The following GPHN variants were observed in gnomAD, a reference collection of about 807,000 sequenced individuals.
GPHN encodes gephyrin.
A neutral mutation model predicts 95.5 loss-of-function variants in GPHN; 17 were observed. The ratio of observed to expected loss-of-function variants is 0.18; its 90% CI spans 0.12 to 0.27. The LOEUF is 0.27. Ranked by LOEUF, GPHN falls within the 10% of genes least tolerant of loss-of-function variation. The pLI is 1.00. For synonymous variants in GPHN, 320 were observed against 322.5 expected, an observed-to-expected ratio of 0.99 and a Z score of 0.08; for missense variants, 660 against 978.1, an observed-to-expected ratio of 0.67 and a Z score of 4.34.
the GPHN span, among the ~76,000 whole-genome samples, chr14:67,326,259 T>TTTTTTTTTTTTTTTGGGG: frequency 8.1e-6 from 1 of 122,984 alleles, no homozygotes; most frequent in African/African-American, 3.3e-5. Flanking sequence ...TTTTTTTTTT[T>TTTTTTTTTTTTTTTGGGG]GAGAGGAGAT....
intron 1 of GPHN, among the ~76,000 whole-genome samples, chr14:66,578,925 A>G (rs116958315): frequency 0.013 from 2,019 of 151,980 alleles, 23 homozygotes; most frequent in Middle Eastern, 0.02. Flanking sequence ...CAGATTCAGA[A>G]TGCTGTATGT....
the GPHN span, among the ~76,000 whole-genome samples, chr14:67,474,946 C>T: frequency 2.2e-5 from 3 of 133,684 alleles, no homozygotes; most frequent in Admixed American, 8.1e-5. Context: ...GACGGAGTCT[C>T]GCTCTGTCGT....
intron 2 of GPHN, among the ~76,000 whole-genome samples, chr14:66,691,787 T>G (rs965440862): frequency 6.6e-6 from 1 of 152,200 alleles, no homozygotes; most frequent in East Asian, 1.9e-4. Flanking sequence ...TTCAAGATAG[T>G]GTACACTGGG....
At chr14:67,204,585 CA>C in the GPHN span, 2 of 1,613,546 alleles carry the variant, frequency 1.2e-6, no homozygotes, top group Admixed American at 3.3e-5. Flanking sequence ...ATGCGGAGAA[CA>C]TGAGCCTGAA....
chr14:67,730,750 C>T, the GPHN span, among the ~76,000 whole-genome samples: 1 of 152,008 alleles, frequency 6.6e-6, no homozygotes, highest in Admixed American at 6.6e-5. Context: ...ATTACAGGTG[C>T]CCGCCACCAC....
intron 2 of GPHN, among the ~76,000 whole-genome samples, chr14:66,721,069 G>A (rs996169138): frequency 1.4e-4 from 22 of 152,120 alleles, no homozygotes; most frequent in African/African-American, 5.1e-4. Flanking sequence ...TCTTGGCTTG[G>A]CAATTTTATG....
At chr14:66,741,083 A>G (rs2072753009) in intron 2 of GPHN, among the ~76,000 whole-genome samples, 1 of 152,166 alleles carries the variant, frequency 6.6e-6, no homozygotes. Context: ...ACATTAATCC[A>G]TTCATGAGGG....
chr14:66,751,906 T>C (rs1470360514), intron 2 of GPHN, among the ~76,000 whole-genome samples: 4 of 152,128 alleles, frequency 2.6e-5, no homozygotes, highest in Non-Finnish European at 5.9e-5. Context: ...TTTAAGGTTG[T>C]CTTATCTACA....
intron 3 of GPHN, among the ~76,000 whole-genome samples, chr14:66,817,530 G>T (rs113756771): frequency 0.016 from 2,380 of 152,230 alleles, 33 homozygotes; most frequent in Non-Finnish European, 0.018. Context: ...ACCACAAAAT[G>T]TGGTGGCTTT....
At chr14:67,401,849 C>T in the GPHN span, among the ~76,000 whole-genome samples, 194 of 152,224 alleles carry the variant, frequency 1.3e-3, 1 homozygote, top group African/African-American at 4.5e-3. Flanking sequence ...TACAGGCCGG[C>T]GCGGTGGCTC....
At chr14:66,707,051 T>C (rs910341789) in intron 2 of GPHN, among the ~76,000 whole-genome samples, 8 of 123,838 alleles carry the variant, frequency 6.5e-5, no homozygotes, top group African/African-American at 3.4e-4. Context: ...AACAAACATT[T>C]GAAAAAAAAA....
At chr14:67,134,523 A>G (rs1020595097) in intron 17 of GPHN, among the ~76,000 whole-genome samples, 1 of 152,242 alleles carries the variant, frequency 6.6e-6, no homozygotes, top group African/African-American at 2.4e-5. Flanking sequence ...ATTTACTCCC[A>G]AAGCTACTGT....
the GPHN span, among the ~76,000 whole-genome samples, chr14:67,192,324 C>A: frequency 6.6e-6 from 1 of 152,132 alleles, no homozygotes; most frequent in Non-Finnish European, 1.5e-5. Flanking sequence ...TAGCCCATAA[C>A]AACCCTGCTT....
chr14:67,348,281 G>A, the GPHN span, among the ~76,000 whole-genome samples: 2 of 151,964 alleles, frequency 1.3e-5, no homozygotes, highest in Non-Finnish European at 2.9e-5. Context: ...TCCATATTAG[G>A]CTGGTCTCGA....
chr14:67,231,783 A>G, the GPHN span, among the ~76,000 whole-genome samples: 1 of 152,194 alleles, frequency 6.6e-6, no homozygotes, highest in Admixed American at 6.5e-5. Context: ...CCTGGCCAAC[A>G]TGGTGAAATC....
At chr14:67,113,600 G>C (rs2078500896) in intron 16 of GPHN, among the ~76,000 whole-genome samples, 1 of 152,094 alleles carries the variant, frequency 6.6e-6, no homozygotes, top group South Asian at 2.1e-4. Flanking sequence ...ATCATGGCTA[G>C]CACTTCTTGT....
intron 1 of GPHN, among the ~76,000 whole-genome samples, chr14:66,661,628 A>G (rs7150227): frequency 0.072 from 10,924 of 152,188 alleles, 974 homozygotes; most frequent in African/African-American, 0.2. Flanking sequence ...CAGCTGCTCT[A>G]ATACAACATG....
intron 8 of GPHN, among the ~76,000 whole-genome samples, chr14:66,937,676 C>T (rs766865619): frequency 5.9e-5 from 9 of 152,082 alleles, no homozygotes; most frequent in South Asian, 2.1e-4. Context: ...CGCACCTGGC[C>T]GCAAGATTAT....
At chr14:67,081,090 A>G (rs1337124632) in intron 11 of GPHN, among the ~76,000 whole-genome samples, 2 of 152,140 alleles carry the variant, frequency 1.3e-5, no homozygotes, top group East Asian at 3.8e-4. Context: ...AGTGTCTTTC[A>G]TGTATAATTA....
Sources: gnomAD v4.1 joint callset for allele counts (sites outside exome capture counted in the v4.1 genomes callset) on GRCh38, gnomAD v4.1.1 for gene constraint, MANE v1.5 for transcripts, NCBI Gene and HGNC (gene_info 2026-07-23, HGNC 2026-07-21) for gene names.